XPNPEP1: variants seen among roughly 807,000 people sequenced by gnomAD.
XPNPEP1 encodes X-prolyl aminopeptidase 1, also known as xaa-Pro aminopeptidase 1.
Under a neutral mutation model 92.4 loss-of-function variants are expected in XPNPEP1, and 39 were observed. The observed-to-expected ratio is 0.42, with a 90% CI of 0.33 to 0.55. The LOEUF (loss-of-function observed/expected upper bound fraction) is 0.55, where lower values mean the gene tolerates loss of function less well. Ranked by LOEUF, XPNPEP1 falls within the 20% of genes least tolerant of loss-of-function variation. The pLI is 0.08. For missense variants in XPNPEP1, 654 were observed against 856.1 expected (o/e 0.76, Z 2.95); for synonymous variants, 307 against 299.4 (o/e 1.03, Z -0.26).
intron 5 of XPNPEP1, among the ~76,000 whole-genome samples, chr10:109,890,877 T>C (rs1238437548): frequency 6.6e-6 from 1 of 152,164 alleles, no homozygotes; most frequent in African/African-American, 2.4e-5. Context: ...TGTTTCCTGC[T>C]GTGAGTCTGA....
chr10:109,880,567 T>TG (rs1321966212), intron 11 of XPNPEP1, among the ~76,000 whole-genome samples: 4 of 152,188 alleles, frequency 2.6e-5, no homozygotes, highest in African/African-American at 7.2e-5. Flanking sequence ...AAGCCACCTC[T>TG]GGGCCCAAAA....
In XPNPEP1 at chr10:109,886,337, G is replaced by A. The variant is rs751498670; in HGVS notation, c.657C>T (p.Ile219=). ...LLTLGLDYTG[I]SWKDKVADLR... is the part of the protein sequence containing the mutation. Reference sequence around the variant, plus strand: ...GGTCTGCAACCTTGTCCTTCCAGGAGATGCCTGCAAGAAACAAATGTGCTT... The same window carrying A: ...GGTCTGCAACCTTGTCCTTCCAGGAAATGCCTGCAAGAAACAAATGTGCTT... The change falls in exon 8 of 21, where the codon ATC becomes ATT. Residue 219 remains isoleucine (I), a synonymous_variant. Transcript: ENST00000502935. The A allele has an allele frequency of 2.5e-4, 400 of 1,613,928 alleles. 3 individuals are homozygous for A. The highest frequency in any genetic ancestry group is 9.3e-6 in the Non-Finnish European group (11 of 1,179,984).
Position 109,882,585 on chromosome 10 carries a change from A to G in XPNPEP1, c.888T>C (p.Leu296=), listed in dbSNP as rs1848163668. Residue 296 remains leucine (L), a synonymous_variant, in exon 10 of 21, where the codon CTT becomes CTC. Transcript: ENST00000502935. ...TGTATTCGGCTTCCAGACCCAAGTC[A>G]AGAAGCAGGTGCTCCTTCACACTGG... is the stretch of plus-strand genomic sequence containing the variant. ...DAPSVKEHLL[L]DLGLEAEYRI... is the part of the protein sequence containing the mutation. The G allele has an allele frequency of 1.2e-6, 2 of 1,614,228 alleles. No homozygotes were observed. Among genetic ancestry groups the G allele is most frequent in the Non-Finnish European group, 1.7e-6 (2 of 1,180,038 alleles).
chr10:109,908,062 C>T (rs181747256), intron 2 of XPNPEP1, among the ~76,000 whole-genome samples: 1 of 152,330 alleles, frequency 6.6e-6, no homozygotes, highest in Admixed American at 6.5e-5. Flanking sequence ...CCATTTCCAA[C>T]TTGACTGGTT....
intron 4 of XPNPEP1, 58 bp from the exon 5 acceptor site, chr10:109,891,884 C>T: frequency 6.4e-7 from 1 of 1,561,996 alleles, no homozygotes; most frequent in Non-Finnish European, 8.8e-7. Context: ...TGCTCAGAAG[C>T]TGCACAAAAT....
intron 20 of XPNPEP1, among the ~76,000 whole-genome samples, chr10:109,865,550 A>G (rs937857405): frequency 1.3e-5 from 2 of 152,234 alleles, no homozygotes; most frequent in African/African-American, 4.8e-5. Flanking sequence ...TTACTATTAT[A>G]GACAGCAGTC....
In XPNPEP1 at chr10:109,888,076, G is replaced by C; in HGVS notation, c.625C>G (p.Leu209Val). 6.2e-7 allele frequency: 1 copy of C among 1,614,122 alleles called. No individual in the cohort carries two copies. Among genetic ancestry groups the C allele is most frequent in the South Asian group, 1.1e-5 (1 of 91,074 alleles). ...GTGTAATCCAGGCCCAGTGTGAGGA[G>C]AGGCTTGCAAGGGCGCTCAGGACGG... Reference protein sequence around the residue: ...TDRPERPCKPLLTLGLDYTGI... With the variant: ...TDRPERPCKPVLTLGLDYTGI... The change falls in exon 7 of 21, where the codon CTC becomes GTC. Residue 209 changes from leucine to valine, a missense_variant. Transcript: ENST00000502935.
chr10:109,891,970 T>C (rs1303205010), intron 4 of XPNPEP1, 144 bp from the exon 5 acceptor site: 13 of 696,310 alleles, frequency 1.9e-5, no homozygotes, highest in Non-Finnish European at 3.1e-5. Flanking sequence ...CAAAGAAACC[T>C]CTGGGCAAGA....
chr10:109,893,282 TCC>T, intron 3 of XPNPEP1: 1 of 488,522 alleles, frequency 2.0e-6, no homozygotes, highest in Non-Finnish European at 3.6e-6. Flanking sequence ...AGAGAGCTGT[TCC>T]CTTTAGCCTC....
chr10:109,893,143 CCTTGT>C, intron 3 of XPNPEP1, 68 bp from the exon 4 acceptor site: 1 of 1,487,866 alleles, frequency 6.7e-7, no homozygotes, highest in Non-Finnish European at 9.3e-7. Flanking sequence ...GCCTGCTTAG[CCTTGT>C]GCTAGGCTCA....
At chr10:109,917,510 C>A (rs1020227215) in intron 1 of XPNPEP1, among the ~76,000 whole-genome samples, 3 of 152,164 alleles carry the variant, frequency 2.0e-5, no homozygotes, top group Admixed American at 6.5e-5. Flanking sequence ...ATTCCATGGT[C>A]ATGGATTGGA....
chr10:109,866,217 C>G (rs1847135326), intron 20 of XPNPEP1, among the ~76,000 whole-genome samples: 2 of 152,170 alleles, frequency 1.3e-5, no homozygotes, highest in Non-Finnish European at 2.9e-5. Context: ...CTTTCAGGGA[C>G]TACAATCCAG....
chr10:109,888,651 C>T (rs1482017082), intron 5 of XPNPEP1, 56 bp from the exon 6 acceptor site: 6 of 1,389,132 alleles, frequency 4.3e-6, no homozygotes, highest in East Asian at 4.9e-5. Flanking sequence ...GCTCATTATC[C>T]CACCAGAAAG....
chr10:109,868,956 C>T (rs1410393450), intron 19 of XPNPEP1, among the ~76,000 whole-genome samples: 2 of 152,166 alleles, frequency 1.3e-5, no homozygotes, highest in African/African-American at 4.8e-5. Flanking sequence ...CTGAGGGGCT[C>T]CCAGCAACAG....
chr10:109,895,529 G>C (rs1848941220), intron 3 of XPNPEP1, among the ~76,000 whole-genome samples: 1 of 152,226 alleles, frequency 6.6e-6, no homozygotes, highest in Non-Finnish European at 1.5e-5. Flanking sequence ...CAACATTCCA[G>C]AAAGACATTG....
intron 15 of XPNPEP1, among the ~76,000 whole-genome samples, chr10:109,873,964 T>G (rs1240604324): frequency 6.6e-6 from 1 of 152,184 alleles, no homozygotes; most frequent in East Asian, 1.9e-4. Context: ...AGAGTAGTGG[T>G]TCTCCAGGGT....
chr10:109,916,190 G>A (rs1804887628), intron 1 of XPNPEP1, among the ~76,000 whole-genome samples: 1 of 152,160 alleles, frequency 6.6e-6, no homozygotes, highest in Admixed American at 6.5e-5. Context: ...GGGTAGCCAG[G>A]GACAGCCTCT....
At position 109,865,094 on chromosome 10, in the gene XPNPEP1, A is replaced by C. The variant is rs1366612979; in HGVS notation, c.*90T>G. 7.0e-6 allele frequency: 11 copies of C among 1,567,356 alleles called. No individual in the cohort carries two copies. In the Admixed American group the frequency reaches 1.9e-4, roughly 27 times the overall value. On this transcript the variant is annotated 3_prime_UTR_variant, in exon 21 of 21. Transcript: ENST00000502935. ...AAGTAAAAAGGGGAGGTAGGGAAGA[A>C]GGAAAGGAAAGGGGAAAGATGTCAG...
At chr10:109,910,908 C>T (rs1436302089) in intron 2 of XPNPEP1, among the ~76,000 whole-genome samples, 1 of 152,238 alleles carries the variant, frequency 6.6e-6, no homozygotes, top group African/African-American at 2.4e-5. Context: ...TGATCTTCAA[C>T]GACTGACATC....
Sources: gnomAD v4.1 joint callset for allele counts (sites outside exome capture counted in the v4.1 genomes callset) on GRCh38, gnomAD v4.1.1 for gene constraint, MANE v1.5 for transcripts, NCBI Gene and HGNC (gene_info 2026-07-23, HGNC 2026-07-21) for gene names.